Variants in CHD9 observed in about 807,000 individuals in gnomAD.
CHD9 encodes the protein chromodomain helicase DNA binding protein 9, also known as ATP-dependent chromatin remodeler CHD9.
A neutral mutation model predicts 316.1 loss-of-function variants in CHD9; 77 were observed. The observed-to-expected ratio is 0.24, with a 90% CI of 0.20 to 0.29. The LOEUF (loss-of-function observed/expected upper bound fraction) is 0.29. Ranked by LOEUF, CHD9 falls within the 10% of genes least tolerant of loss-of-function variation. CHD9 has a pLI of 1.00. For synonymous variants in CHD9, 1,129 were observed against 1,158.3 expected, an observed-to-expected ratio of 0.97 and a Z score of 0.51; for missense variants, 2,763 against 3,438.1, an observed-to-expected ratio of 0.80 and a Z score of 4.91.
chr16:53,273,099 A>C (rs2052441044), intron 22 of CHD9, among the ~76,000 whole-genome samples: 1 of 152,050 alleles, frequency 6.6e-6, no homozygotes. Context: ...AAAAAACAAA[A>C]CAAAACAACA....
At chr16:53,171,853 C>G (rs892422547) in intron 2 of CHD9, among the ~76,000 whole-genome samples, 12 of 66,332 alleles carry the variant, frequency 1.8e-4, no homozygotes, top group Non-Finnish European at 3.2e-4. Context: ...CACACACACA[C>G]ACACACAGAC....
chr16:53,160,406 A>T (rs1447947199), intron 2 of CHD9, among the ~76,000 whole-genome samples: 1 of 152,196 alleles, frequency 6.6e-6, no homozygotes, highest in Non-Finnish European at 1.5e-5. Flanking sequence ...CTCTAATGCT[A>T]GCATGTAGAT....
At chr16:53,271,826 G>A (rs2052301876) in intron 22 of CHD9, among the ~76,000 whole-genome samples, 1 of 152,020 alleles carries the variant, frequency 6.6e-6, no homozygotes, top group Non-Finnish European at 1.5e-5. Flanking sequence ...AATCTTGTTA[G>A]GAAGAAAATT....
chr16:53,307,733 G>A lies in CHD9; in HGVS notation c.6833G>A (p.Gly2278Glu). Residue 2278 changes from glycine to glutamate, a missense_variant, in exon 33 of 39, where the codon GGA becomes GAA. Transcript: ENST00000447540. ...AGTATTTGTCAAACAGTTCTGAAAG[G>A]AAAGTGGCCTTCAGCTAGAAGAAGT... ...LDSICQTVLK[G>E]KWPSARRSYD... The A allele has an allele frequency of 6.2e-7, 1 of 1,612,378 alleles. No individual in the cohort carries two copies. The highest frequency in any genetic ancestry group is 8.5e-7 in the Non-Finnish European group (1 of 1,179,170).
intron 24 of CHD9, among the ~76,000 whole-genome samples, chr16:53,278,156 T>C (rs2053043782): frequency 6.6e-6 from 1 of 152,124 alleles, no homozygotes; most frequent in South Asian, 2.1e-4. Flanking sequence ...GTGGGTAGAA[T>C]CAATATTGTG....
At chr16:53,287,207 C>T (rs995625830) in intron 26 of CHD9, among the ~76,000 whole-genome samples, 1 of 152,226 alleles carries the variant, frequency 6.6e-6, no homozygotes, top group Non-Finnish European at 1.5e-5. Flanking sequence ...CCCAAGTGAT[C>T]TTCCACCTTA....
chr16:53,282,215 C>T (rs1031193974), intron 24 of CHD9, among the ~76,000 whole-genome samples: 2 of 152,168 alleles, frequency 1.3e-5, no homozygotes, highest in African/African-American at 4.8e-5. Flanking sequence ...TACACATACA[C>T]ACATGCGTGC....
Position 53,144,622 on chromosome 16 carries a change from G to T in CHD9, c.-164-11304G>T, listed in dbSNP as rs370729880. Reference sequence around the variant, plus strand: ...TGGCTCACCACAACCTCTGCCTCCCGGGTTCAAGCGATTCTCCCGCCTCAG... The same window carrying T: ...TGGCTCACCACAACCTCTGCCTCCCTGGTTCAAGCGATTCTCCCGCCTCAG... On this transcript the variant is annotated intron_variant, in intron 1 of 38. Transcript: ENST00000447540. Among the ~76,000 whole-genome samples, 617 of 151,570 alleles carry T rather than the reference G, an allele frequency of 4.1e-3. 4 individuals are homozygous for T. Among genetic ancestry groups the T allele is most frequent in the African/African-American group, 0.014 (591 of 41,296 alleles).
At chr16:53,222,364 G>T (rs146058765) in intron 3 of CHD9, among the ~76,000 whole-genome samples, 1 of 152,116 alleles carries the variant, frequency 6.6e-6, no homozygotes, top group Non-Finnish European at 1.5e-5. Context: ...GAGCCACTGC[G>T]CCTGGCCTAC....
At chr16:53,084,116 T>G (rs1332902619) in intron 1 of CHD9, among the ~76,000 whole-genome samples, 3 of 152,036 alleles carry the variant, frequency 2.0e-5, no homozygotes, top group African/African-American at 4.8e-5. Context: ...TGGTCTTGAC[T>G]CCTGGTTTCA....
At chr16:53,210,496 T>C (rs2046245165) in intron 3 of CHD9, among the ~76,000 whole-genome samples, 1 of 152,086 alleles carries the variant, frequency 6.6e-6, no homozygotes, top group African/African-American at 2.4e-5. Context: ...CAAAATATTT[T>C]CAAAAAATAA....
chr16:53,314,517 G>A lies in CHD9; in HGVS notation c.7362+1G>A. The A allele has an allele frequency of 6.4e-7, 1 of 1,564,636 alleles. No homozygotes were observed. The highest frequency in any genetic ancestry group is 8.7e-7 in the Non-Finnish European group (1 of 1,154,472). On this transcript the variant is annotated splice_donor_variant, in intron 35 of 38. Coordinates refer to ENST00000447540, the MANE Select transcript of CHD9 (RefSeq NM_001308319.2). LOFTEE classifies it high-confidence loss of function. ...TAACAGAAATAAACCACCTAATCAT[G>A]TAAGTAAAGCAGTACTTAAAAACTG...
chr16:53,228,343 T>TA (rs201114550), intron 7 of CHD9, among the ~76,000 whole-genome samples: 4,861 of 148,314 alleles, frequency 0.033, 90 homozygotes, highest in Middle Eastern at 0.073. Context: ...TCCATCTCTT[T>TA]AAAAAAAAAA....
chr16:53,100,453 C>CTTTTTTTTTTTTT lies in CHD9; in HGVS notation c.-165+45381_-165+45393dup, dbSNP rs61450186. The stretch of plus-strand genomic sequence containing the variant: ...GCACTCTGAATTTAGACTCATTCGT[C>CTTTTTTTTTTTTT]TTTTTTTTTTTTTTTTTCCAAAAGA... On this transcript the variant is annotated intron_variant, in intron 1 of 38. Coordinates refer to ENST00000447540, the MANE Select transcript of CHD9 (RefSeq NM_001308319.2). Among the ~76,000 whole-genome samples, 2 of 129,638 alleles carry CTTTTTTTTTTTTT rather than the reference C, an allele frequency of 1.5e-5. 1 individual carries two copies. 85.0% of individuals were successfully genotyped at this position (129,638 alleles called of 152,430 possible). A position where few individuals can be genotyped will look rare whatever the true frequency, so the allele number is the denominator to read the frequency against.
At chr16:53,193,334 A>G (rs899200404) in intron 2 of CHD9, among the ~76,000 whole-genome samples, 1 of 152,034 alleles carries the variant, frequency 6.6e-6, no homozygotes, top group African/African-American at 2.4e-5. Flanking sequence ...CTGTAGTCCC[A>G]GCTACTCTGG....
At chr16:53,319,934 C>T in intron 37 of CHD9, 1 of 790,122 alleles carries the variant, frequency 1.3e-6, no homozygotes, top group Non-Finnish European at 1.7e-6. Flanking sequence ...GAGAAGACAA[C>T]AGAATTACAG....
intron 1 of CHD9, among the ~76,000 whole-genome samples, chr16:53,143,956 A>G (rs1469499123): frequency 2.0e-5 from 3 of 152,172 alleles, no homozygotes; most frequent in Admixed American, 6.5e-5. Flanking sequence ...CCCATGACCC[A>G]AACATTTTTT....
At chr16:53,151,212 TC>T (rs1164781852) in intron 1 of CHD9, among the ~76,000 whole-genome samples, 12 of 24,044 alleles carry the variant, frequency 5.0e-4, no homozygotes, top group East Asian at 3.6e-3. Flanking sequence ...TCCCCTCCCC[TC>T]CCCCCCTCCC....
At chr16:53,309,573 C>G (rs761478187) in intron 34 of CHD9, among the ~76,000 whole-genome samples, 1 of 152,024 alleles carries the variant, frequency 6.6e-6, no homozygotes, top group East Asian at 1.9e-4. Flanking sequence ...TTGGTGGTGC[C>G]CTGTGCTGTG....
Sources: gnomAD v4.1 joint callset for allele counts (sites outside exome capture counted in the v4.1 genomes callset) on GRCh38, gnomAD v4.1.1 for gene constraint, MANE v1.5 for transcripts, NCBI Gene and HGNC (gene_info 2026-07-23, HGNC 2026-07-21) for gene names.